Variants in LAMA3 observed in about 807,000 individuals in gnomAD.
LAMA3 encodes laminin subunit alpha 3.
LAMA3 carries 281 observed loss-of-function variants against 402.0 expected under a neutral mutation model. The observed-to-expected ratio is 0.70, with a 90% CI of 0.63 to 0.77. The LOEUF (loss-of-function observed/expected upper bound fraction) is 0.77. Ranked by LOEUF, LAMA3 falls within the 30% of genes least tolerant of loss-of-function variation. The pLI is 0.00. For synonymous variants in LAMA3, 1,431 were observed against 1,558.4 expected (o/e 0.92, Z 1.93); for missense variants, 3,840 against 4,215.5 (o/e 0.91, Z 2.47).
At chr18:23,836,724 A>G (rs2063588444) in intron 24 of LAMA3, among the ~76,000 whole-genome samples, 1 of 152,186 alleles carries the variant, frequency 6.6e-6, no homozygotes, top group Non-Finnish European at 1.5e-5. Flanking sequence ...TAAACCTAGT[A>G]CTTCATCAAG....
At chr18:23,758,931 T>C (rs1370305143) in intron 7 of LAMA3, among the ~76,000 whole-genome samples, 1 of 152,008 alleles carries the variant, frequency 6.6e-6, no homozygotes, top group African/African-American at 2.4e-5. Flanking sequence ...TACTGGAGTA[T>C]GGAGTGCTGG....
At chr18:23,735,068 C>G (rs1330844727) in intron 2 of LAMA3, among the ~76,000 whole-genome samples, 1 of 152,202 alleles carries the variant, frequency 6.6e-6, no homozygotes, top group African/African-American at 2.4e-5. Flanking sequence ...AGAATAATCT[C>G]AAGTACTGAC....
chr18:23,946,428 C>A, intron 70 of LAMA3, 144 bp downstream of exon 70: 3 of 951,482 alleles, frequency 3.2e-6, no homozygotes, highest in Admixed American at 2.0e-5. Flanking sequence ...ATGTTCACAA[C>A]CACATAGAGT....
chr18:23,915,936 G>T (rs2081595203), intron 59 of LAMA3, among the ~76,000 whole-genome samples: 1 of 142,882 alleles, frequency 7.0e-6, no homozygotes, highest in Admixed American at 7.4e-5. Context: ...AACTCGGGAG[G>T]TCAAGGTTGC....
chr18:23,919,332 T>C (rs184817014), intron 60 of LAMA3, among the ~76,000 whole-genome samples: 1 of 152,282 alleles, frequency 6.6e-6, no homozygotes, highest in East Asian at 1.9e-4. Flanking sequence ...AAGCCCTAAG[T>C]CAGAAATTGC....
Position 23,689,735 on chromosome 18 carries a change from C to A in LAMA3, c.52C>A (p.Pro18Thr). 1 of 1,492,000 alleles carries A rather than the reference C, an allele frequency of 6.7e-7. No homozygotes were observed. The allele number at this position is 1,492,000 out of a possible 1,614,324, so 92.4% of individuals were successfully genotyped here. A position where few individuals can be genotyped will look rare whatever the true frequency, so the allele number is the denominator to read the frequency against. The stretch of plus-strand genomic sequence containing the variant: ...TCGGGCACTGGGGCCAGTACTGCCG[C>A]CGACGCCGCTGCTCCTGCTGGTACT... The part of the protein sequence containing the change: ...RGRALGPVLP[P>T]TPLLLLVLRV... The change falls in exon 1 of 75, where the codon CCG becomes ACG. Residue 18 changes from proline to threonine, a missense_variant. Transcript: ENST00000313654.
intron 2 of LAMA3, among the ~76,000 whole-genome samples, chr18:23,740,274 G>A (rs959584188): frequency 5.3e-5 from 8 of 152,182 alleles, no homozygotes; most frequent in African/African-American, 1.9e-4. Context: ...TATTTAGGGA[G>A]TAATGATTAA....
At chr18:23,749,401 TATA>T (rs1477818634) in intron 3 of LAMA3, 24 bp from the exon 4 acceptor site, 1 of 1,142,246 alleles carries the variant, frequency 8.8e-7, no homozygotes, top group Admixed American at 2.0e-5. Context: ...TATTTTGTTT[TATA>T]ATATTAAAAT....
intron 18 of LAMA3, 97 bp downstream of exon 18, chr18:23,816,584 C>T: frequency 9.8e-7 from 1 of 1,015,642 alleles, no homozygotes; most frequent in Non-Finnish European, 1.5e-6. Context: ...GAGAAGCAGC[C>T]CTAAAGATCG....
chr18:23,723,411 A>G (rs1187485956), intron 2 of LAMA3, among the ~76,000 whole-genome samples: 2 of 152,344 alleles, frequency 1.3e-5, no homozygotes, highest in Non-Finnish European at 1.5e-5. Flanking sequence ...CTTTATCGAC[A>G]CAACATGTGT....
intron 1 of LAMA3, among the ~76,000 whole-genome samples, chr18:23,696,779 C>T (rs1320174933): frequency 3.3e-5 from 5 of 152,330 alleles, no homozygotes; most frequent in East Asian, 1.9e-4. Context: ...GGATTGCAGG[C>T]GTGAGCCACT....
At chr18:23,690,049 G>A in intron 1 of LAMA3, 72 bp downstream of exon 1, 2 of 1,207,220 alleles carry the variant, frequency 1.7e-6, no homozygotes, top group Non-Finnish European at 2.2e-6. Context: ...CCGGAGAAGG[G>A]ATCGGGCCCT....
chr18:23,893,025 A>G (rs1024468542), intron 42 of LAMA3, among the ~76,000 whole-genome samples: 3 of 151,910 alleles, frequency 2.0e-5, no homozygotes, highest in Admixed American at 6.6e-5. Context: ...TGGCAGGATC[A>G]AGGATGATGC....
At chr18:23,722,233 G>T (rs767591915) in intron 2 of LAMA3, among the ~76,000 whole-genome samples, 17 of 152,108 alleles carry the variant, frequency 1.1e-4, no homozygotes, top group Non-Finnish European at 2.4e-4. Flanking sequence ...GCCTGGTCTG[G>T]CTATCTTCTT....
At chr18:23,691,816 C>T (rs1415632809) in intron 1 of LAMA3, among the ~76,000 whole-genome samples, 1 of 152,216 alleles carries the variant, frequency 6.6e-6, no homozygotes, top group Non-Finnish European at 1.5e-5. Context: ...AAGCGATCTG[C>T]CCACCTTGGC....
chr18:23,882,024 G>A lies in LAMA3; in HGVS notation c.5201G>A (p.Cys1734Tyr), dbSNP rs756233591. ...GCCGTCCACGGATCCTGCAGGGCCT[G>A]CCCATGTCCTCACACTAACAGGTAC... ...GNAVHGSCRA[C>Y]PCPHTNSFAT... The change falls in exon 40 of 75, where the codon TGC becomes TAC. Residue 1734 changes from cysteine (C) to tyrosine (Y), a missense_variant. Coordinates refer to ENST00000313654, the MANE Select transcript of LAMA3 (RefSeq NM_198129.4). 6.2e-7 allele frequency: 1 copy of A among 1,613,350 alleles called. No individual in the cohort carries two copies. The highest frequency in any genetic ancestry group is 8.5e-7 in the Non-Finnish European group (1 of 1,179,480).
At chr18:23,763,345 T>C in intron 7 of LAMA3, 60 bp from the exon 8 acceptor site, 1 of 1,056,476 alleles carries the variant, frequency 9.5e-7, no homozygotes, top group East Asian at 2.4e-5. Flanking sequence ...CTATTTACGC[T>C]ATTTACTAAG....
chr18:23,866,000 T>G (rs527236284), intron 36 of LAMA3, among the ~76,000 whole-genome samples: 1 of 152,302 alleles, frequency 6.6e-6, no homozygotes, highest in South Asian at 2.1e-4. Flanking sequence ...GCCCGGCTAA[T>G]TTTTGTATTT....
Position 23,914,536 on chromosome 18 carries a change from G to GTTT in LAMA3, c.7458_7459insTTT (p.Val2486_Met2487insPhe), listed in dbSNP as rs780180871. ...GACCAAGAGTGAGACTAAGGAGGCA[G>GTTT]TTATGGATCGGGTGAAATTTCAGAG... On this transcript the variant is annotated inframe_insertion, in exon 57 of 75. Transcript: ENST00000313654. 1 of 1,614,158 alleles carries GTTT rather than the reference G, an allele frequency of 6.2e-7. No homozygotes were observed.
Sources: gnomAD v4.1 joint callset for allele counts (sites outside exome capture counted in the v4.1 genomes callset) on GRCh38, gnomAD v4.1.1 for gene constraint, MANE v1.5 for transcripts, NCBI Gene and HGNC (gene_info 2026-07-23, HGNC 2026-07-21) for gene names.